Variants in MALRD1 observed in about 807,000 individuals in gnomAD.
MALRD1 encodes MAM and LDL-receptor class A domain-containing protein 1.
Under a neutral mutation model 242.1 loss-of-function variants are expected in MALRD1, and 247 were observed. The ratio of observed to expected loss-of-function variants is 1.02; its 90% CI spans 0.92 to 1.13. MALRD1 has a LOEUF of 1.13. Ranked by LOEUF, MALRD1 falls within the 50% of genes most tolerant of loss-of-function variation. MALRD1 has a pLI of 0.00. For synonymous variants in MALRD1, 995 were observed against 866.6 expected, an observed-to-expected ratio of 1.15 and a Z score of -2.60; for missense variants, 2,989 against 2,533.1, an observed-to-expected ratio of 1.18 and a Z score of -3.86.
chr10:19,588,834 G>T (rs570457877), intron 33 of MALRD1, among the ~76,000 whole-genome samples: 1 of 152,188 alleles, frequency 6.6e-6, no homozygotes, highest in South Asian at 2.1e-4. Flanking sequence ...GTAGAGATAG[G>T]GTTTCACCAC....
intron 18 of MALRD1, among the ~76,000 whole-genome samples, chr10:19,243,741 C>A (rs1409876672): frequency 6.6e-6 from 1 of 152,096 alleles, no homozygotes; most frequent in African/African-American, 2.4e-5. Context: ...GGAAAAGTAT[C>A]AATTTTTCTT....
chr10:19,195,822 A>C (rs752597185), intron 14 of MALRD1, among the ~76,000 whole-genome samples: 1 of 151,972 alleles, frequency 6.6e-6, no homozygotes, highest in East Asian at 1.9e-4. Flanking sequence ...TGCTGCCCTA[A>C]AGTGTGTTCT....
rs368243531 is a variant in MALRD1, at chr10:19,351,259, C to G, written c.4150-747C>G. Among the ~76,000 whole-genome samples the G allele has an allele frequency of 5.9e-5, 9 of 152,208 alleles. No individual in the cohort carries two copies. In the East Asian group the frequency reaches 9.6e-4, roughly 16 times the overall value. On this transcript the variant is annotated intron_variant, in intron 25 of 39. Coordinates refer to ENST00000454679, the MANE Select transcript of MALRD1 (RefSeq NM_001142308.3). ...AAGCTTTAAAGGCTTTGAATTCCTA[C>G]TGCTCCTAACCTGTCCTGTTCTTTT...
intron 1 of MALRD1, among the ~76,000 whole-genome samples, chr10:19,058,448 G>T (rs1834730232): frequency 6.6e-6 from 1 of 152,110 alleles, no homozygotes; most frequent in Non-Finnish European, 1.5e-5. Context: ...TTTCTTTGAT[G>T]TGTAATAGAT....
intron 33 of MALRD1, among the ~76,000 whole-genome samples, chr10:19,593,607 C>T (rs1837928400): frequency 6.6e-6 from 1 of 152,104 alleles, no homozygotes; most frequent in Non-Finnish European, 1.5e-5. Flanking sequence ...AGCACAGAGA[C>T]AATACAAAGT....
chr10:19,489,094 A>G (rs1170212566), intron 29 of MALRD1: 12 of 462,388 alleles, frequency 2.6e-5, no homozygotes, highest in Middle Eastern at 3.3e-4. Context: ...TTCCGGAGCC[A>G]GAATGCCCAA....
intron 33 of MALRD1, among the ~76,000 whole-genome samples, chr10:19,583,981 A>G (rs1019198530): frequency 6.6e-6 from 1 of 151,914 alleles, no homozygotes; most frequent in Admixed American, 6.6e-5. Context: ...GAATTTATGC[A>G]TTTCTTCTAG....
chr10:19,231,560 G>C (rs187797736), intron 18 of MALRD1, among the ~76,000 whole-genome samples: 30 of 151,798 alleles, frequency 2.0e-4, no homozygotes, highest in Non-Finnish European at 4.1e-4. Flanking sequence ...TGCTGTTCTC[G>C]TGGTAGTGAA....
At chr10:19,266,776 A>G (rs1274761516) in intron 19 of MALRD1, among the ~76,000 whole-genome samples, 1 of 152,150 alleles carries the variant, frequency 6.6e-6, no homozygotes, top group Non-Finnish European at 1.5e-5. Flanking sequence ...GAACTTAGCC[A>G]TGTAATACAT....
At chr10:19,576,870 G>C (rs1034146616) in intron 33 of MALRD1, among the ~76,000 whole-genome samples, 1 of 151,520 alleles carries the variant, frequency 6.6e-6, no homozygotes, top group African/African-American at 2.4e-5. Context: ...TAACTTTGCA[G>C]TTCTTCTATA....
intron 29 of MALRD1, among the ~76,000 whole-genome samples, chr10:19,453,635 G>A (rs1835447260): frequency 6.6e-6 from 1 of 152,072 alleles, no homozygotes; most frequent in Non-Finnish European, 1.5e-5. Flanking sequence ...CAGCACTTTG[G>A]GAGGCTGAGG....
intron 5 of MALRD1, among the ~76,000 whole-genome samples, 164 bp downstream of exon 5, chr10:19,104,239 G>A (rs755635710): frequency 3.3e-5 from 5 of 152,154 alleles, no homozygotes; most frequent in Non-Finnish European, 7.3e-5. Context: ...TCTATACTGG[G>A]AGTGAAGTTT....
intron 36 of MALRD1, among the ~76,000 whole-genome samples, chr10:19,654,491 A>G (rs1193777408): frequency 6.6e-6 from 1 of 152,174 alleles, no homozygotes; most frequent in East Asian, 1.9e-4. Context: ...CTCTACATAG[A>G]TGAATCCAAA....
intron 32 of MALRD1, among the ~76,000 whole-genome samples, chr10:19,555,196 T>G (rs1835663944): frequency 6.6e-6 from 1 of 152,094 alleles, no homozygotes; most frequent in Non-Finnish European, 1.5e-5. Flanking sequence ...AAGAACTCAC[T>G]TATTACTCAG....
chr10:19,491,569 C>G lies in MALRD1; in HGVS notation c.5082C>G (p.Asp1694Glu), dbSNP rs115991530. 1,466 of 1,550,206 alleles carry G rather than the reference C, an allele frequency of 9.5e-4. 10 individuals are homozygous for G. The African/African-American group carries it at 0.017, about 18-fold the overall frequency. Reference protein sequence around the residue: ...CPEITDFLCRDKKCIASHLLC... With the variant: ...CPEITDFLCREKKCIASHLLC... ...AAATCACTGATTTTTTGTGCCGGGACAAGAAGTGCATTGCATCCCACCTTC... is the reference window on the plus strand; with the variant it reads ...AAATCACTGATTTTTTGTGCCGGGAGAAGAAGTGCATTGCATCCCACCTTC... Residue 1694 changes from aspartate to glutamate, a missense_variant, in exon 30 of 40, where the codon GAC becomes GAG. Asp to Glu is a conservative substitution (Grantham distance 45). Transcript: ENST00000454679.
intron 26 of MALRD1, among the ~76,000 whole-genome samples, chr10:19,355,818 T>C (rs963930260): frequency 9.7e-5 from 12 of 124,194 alleles, no homozygotes; most frequent in East Asian, 8.6e-4. Flanking sequence ...TGCAGGAGTC[T>C]GATATTTTTA....
chr10:19,606,708 A>G (rs993779189), intron 34 of MALRD1, among the ~76,000 whole-genome samples: 5 of 152,074 alleles, frequency 3.3e-5, no homozygotes, highest in African/African-American at 1.2e-4. Flanking sequence ...GACCAGAACC[A>G]GAGGAGAACC....
chr10:19,579,046 T>C (rs565400819), intron 33 of MALRD1, among the ~76,000 whole-genome samples: 2 of 152,326 alleles, frequency 1.3e-5, no homozygotes, highest in African/African-American at 2.4e-5. Flanking sequence ...TACAGTCGTA[T>C]ACAATACTCT....
intron 5 of MALRD1, among the ~76,000 whole-genome samples, chr10:19,120,288 G>T (rs1837016126): frequency 8.6e-5 from 13 of 151,992 alleles, no homozygotes. Flanking sequence ...GCCTGGTGAA[G>T]AAAATATTTC....
Sources: gnomAD v4.1 joint callset for allele counts (sites outside exome capture counted in the v4.1 genomes callset) on GRCh38, gnomAD v4.1.1 for gene constraint, MANE v1.5 for transcripts, NCBI Gene and HGNC (gene_info 2026-07-23, HGNC 2026-07-21) for gene names.